The following PLXNA4 variants were observed in gnomAD, a reference collection of about 807,000 sequenced individuals.
PLXNA4 encodes plexin A4.
A neutral mutation model predicts 191.8 loss-of-function variants in PLXNA4; 44 were observed. That is an observed-to-expected ratio of 0.23 (90% CI 0.18 to 0.29). The LOEUF (loss-of-function observed/expected upper bound fraction) is 0.29. PLXNA4 is among the 10% of genes least tolerant of loss of function. The pLI, the probability that PLXNA4 is intolerant of heterozygous loss-of-function variation, is 1.00. For missense variants in PLXNA4, 1,800 were observed against 2,488.8 expected, an observed-to-expected ratio of 0.72 and a Z score of 5.89; for synonymous variants, 1,082 against 1,009.5, an observed-to-expected ratio of 1.07 and a Z score of -1.36.
intron 2 of PLXNA4, among the ~76,000 whole-genome samples, chr7:132,625,651 T>G (rs553362372): frequency 6.6e-6 from 1 of 152,338 alleles, no homozygotes; most frequent in African/African-American, 2.4e-5. Flanking sequence ...TTGGCACATG[T>G]GTACCAGCAC....
At chr7:132,398,993 A>G (rs1298444793) in intron 3 of PLXNA4, among the ~76,000 whole-genome samples, 9 of 152,118 alleles carry the variant, frequency 5.9e-5, no homozygotes, top group Non-Finnish European at 1.2e-4. Flanking sequence ...CCCTGGCACC[A>G]GGTTTTTCTC....
chr7:132,238,164 G>A lies in PLXNA4; in HGVS notation c.1604+2902C>T, dbSNP rs1463189904. The stretch of plus-strand genomic sequence containing the variant: ...AAGCCTTGTTCAGGTATGTGTTATA[G>A]TGCTGTTGGCAGTGAGGTCAAGCTT... On this transcript the variant is annotated intron_variant, in intron 5 of 31. Transcript: ENST00000321063. 2.6e-5 allele frequency among the ~76,000 whole-genome samples: 4 copies of A among 152,296 alleles called. No homozygotes were observed. The East Asian group carries it at 7.7e-4, about 29-fold the overall frequency.
intron 3 of PLXNA4, among the ~76,000 whole-genome samples, chr7:132,396,967 G>A (rs1367986384): frequency 1.3e-5 from 2 of 152,242 alleles, no homozygotes; most frequent in African/African-American, 4.8e-5. Context: ...CCTGCCTGGG[G>A]CCTAGGGAAA....
At chr7:132,317,297 G>A (rs1489830782) in intron 3 of PLXNA4, among the ~76,000 whole-genome samples, 2 of 151,634 alleles carry the variant, frequency 1.3e-5, no homozygotes, top group Non-Finnish European at 2.9e-5. Context: ...ATTGGGTTGA[G>A]TTAGGTTGTG....
At chr7:132,255,876 T>G (rs1223518659) in intron 4 of PLXNA4, among the ~76,000 whole-genome samples, 2 of 152,252 alleles carry the variant, frequency 1.3e-5, no homozygotes, top group East Asian at 3.8e-4. Context: ...TAAGTTTTAT[T>G]GCCCCAGCAC....
At chr7:132,533,073 C>T (rs535398756) in intron 1 of PLXNA4, among the ~76,000 whole-genome samples, 1 of 152,320 alleles carries the variant, frequency 6.6e-6, no homozygotes, top group Admixed American at 6.5e-5. Context: ...CCTTTAATTT[C>T]CAGAATAATA....
intron 3 of PLXNA4, among the ~76,000 whole-genome samples, chr7:132,362,265 A>G (rs1803975339): frequency 6.6e-6 from 1 of 152,198 alleles, no homozygotes; most frequent in Non-Finnish European, 1.5e-5. Context: ...GAGGGATCCT[A>G]TTGATGTGGT....
chr7:132,349,600 G>C (rs1365442810), intron 3 of PLXNA4, among the ~76,000 whole-genome samples: 1 of 152,172 alleles, frequency 6.6e-6, no homozygotes, highest in Admixed American at 6.5e-5. Context: ...TCACGACCCT[G>C]ACAGTAAAGG....
chr7:132,188,981 AAGGAAAGGAAAGG>A (rs1796976611), intron 14 of PLXNA4, among the ~76,000 whole-genome samples: 1 of 57,938 alleles, frequency 1.7e-5, no homozygotes, highest in Non-Finnish European at 3.1e-5. Flanking sequence ...AAGGAAAGGA[AAGGAAAGGAAAGG>A]AGAGAGAGAG....
At chr7:132,302,515 G>A (rs181496085) in intron 3 of PLXNA4, among the ~76,000 whole-genome samples, 10 of 152,074 alleles carry the variant, frequency 6.6e-5, no homozygotes, top group African/African-American at 1.2e-4. Flanking sequence ...AGTCAGGATC[G>A]AGGAAGGGAT....
intron 2 of PLXNA4, among the ~76,000 whole-genome samples, chr7:132,500,971 G>A (rs1007221915): frequency 5.3e-5 from 8 of 152,308 alleles, no homozygotes; most frequent in Admixed American, 5.2e-4. Flanking sequence ...CTGTGAGGAC[G>A]AAAGGAATTG....
intron 3 of PLXNA4, among the ~76,000 whole-genome samples, chr7:132,320,982 A>G (rs1209822103): frequency 6.6e-6 from 1 of 151,786 alleles, no homozygotes; most frequent in Non-Finnish European, 1.5e-5. Flanking sequence ...TGTTGCCCCA[A>G]ATCTCCCTGT....
intron 3 of PLXNA4, among the ~76,000 whole-genome samples, chr7:132,397,418 C>T (rs1278093487): frequency 6.6e-6 from 1 of 152,154 alleles, no homozygotes; most frequent in East Asian, 1.9e-4. Context: ...GAAACAGACA[C>T]AAGGGCAAGT....
intron 3 of PLXNA4, among the ~76,000 whole-genome samples, chr7:132,392,975 C>T (rs979083315): frequency 5.9e-5 from 9 of 152,172 alleles, no homozygotes; most frequent in South Asian, 2.1e-4. Flanking sequence ...GGCACGAAGG[C>T]GCTTCACAGC....
intron 29 of PLXNA4, among the ~76,000 whole-genome samples, chr7:132,141,170 G>C (rs962170735): frequency 6.6e-6 from 1 of 152,176 alleles, no homozygotes; most frequent in African/African-American, 2.4e-5. Flanking sequence ...CTCTCTGTCT[G>C]TCTGCTCCTA....
chr7:132,254,266 C>T (rs1199949651), intron 4 of PLXNA4, among the ~76,000 whole-genome samples: 1 of 152,164 alleles, frequency 6.6e-6, no homozygotes, highest in African/African-American at 2.4e-5. Context: ...TGATATCAAT[C>T]TGAAATATAC....
intron 3 of PLXNA4, among the ~76,000 whole-genome samples, chr7:132,378,636 C>T (rs940963777): frequency 6.6e-6 from 1 of 152,088 alleles, no homozygotes; most frequent in Non-Finnish European, 1.5e-5. Flanking sequence ...TGTCATTTCA[C>T]CTAGGTCTGT....
intron 2 of PLXNA4, among the ~76,000 whole-genome samples, chr7:132,624,426 T>C (rs1803330897): frequency 6.6e-6 from 1 of 152,178 alleles, no homozygotes; most frequent in African/African-American, 2.4e-5. Context: ...TCCTTTCTCA[T>C]GAGCATAGAT....
chr7:132,198,359 T>C, intron 13 of PLXNA4, 126 bp downstream of exon 13: 1 of 1,350,774 alleles, frequency 7.4e-7, no homozygotes, highest in Non-Finnish European at 9.9e-7. Context: ...CTCTAAAATA[T>C]TGGGGTGGTT....
Sources: gnomAD v4.1 joint callset for allele counts (sites outside exome capture counted in the v4.1 genomes callset) on GRCh38, gnomAD v4.1.1 for gene constraint, MANE v1.5 for transcripts, NCBI Gene and HGNC (gene_info 2026-07-23, HGNC 2026-07-21) for gene names.